TRIM43: variants seen among roughly 807,000 people sequenced by gnomAD.
TRIM43 encodes the protein tripartite motif-containing protein 43.
TRIM43 carries 12 observed loss-of-function variants against 27.7 expected under a neutral mutation model. The observed-to-expected ratio is 0.43, with a 90% CI of 0.28 to 0.70. The LOEUF (loss-of-function observed/expected upper bound fraction) is 0.70. Ranked by LOEUF, TRIM43 falls within the 30% of genes least tolerant of loss-of-function variation. TRIM43 has a pLI of 0.17. For synonymous variants in TRIM43, 64 were observed against 121.9 expected (o/e 0.52, Z 3.13); for missense variants, 186 against 356.5 (o/e 0.52, Z 3.85).
chr2:95,595,207 A>C, intron 3 of TRIM43, 62 bp downstream of exon 3: 1 of 1,166,000 alleles, frequency 8.6e-7, no homozygotes, highest in South Asian at 1.6e-5. Context: ...CAACATTTAT[A>C]TTAGCAACTT....
Position 95,595,146 on chromosome 2 carries a change from G to T in TRIM43, c.507+1G>T. On this transcript the variant is annotated splice_donor_variant, in intron 3 of 6. Transcript: ENST00000272395. LOFTEE classifies it high-confidence loss of function. ...GGGAAGAACAGCCTTCCTCTGGAGG[G>T]TAAGTATGAGACCGTGAGTCCTCCT... 1 of 1,610,040 alleles carries T rather than the reference G, an allele frequency of 6.2e-7. No homozygotes were observed. The highest frequency in any genetic ancestry group is 1.1e-5 in the South Asian group (1 of 90,544).
chr2:95,593,011 C>T lies in TRIM43; in HGVS notation c.-5+862C>T, dbSNP rs181018685. ...TGCCGGGTTCACGCCATTCTCCAGC[C>T]TCCGCCTCCAGAGTAGCTGGGACTA... is the stretch of plus-strand genomic sequence containing the variant. On this transcript the variant is annotated intron_variant, in intron 1 of 6. Coordinates refer to ENST00000272395, the MANE Select transcript of TRIM43 (RefSeq NM_138800.3). Among the ~76,000 whole-genome samples, 638 of 151,708 alleles carry T rather than the reference C, an allele frequency of 4.2e-3. 22 individuals carry two copies. In the East Asian group the frequency reaches 0.095, roughly 23 times the overall value.
intron 3 of TRIM43, among the ~76,000 whole-genome samples, chr2:95,595,990 G>A (rs953152652): frequency 8.6e-5 from 13 of 151,310 alleles, no homozygotes; most frequent in African/African-American, 1.7e-4. Context: ...TTGTATTTCC[G>A]ATTTGATTTA....
At chr2:95,596,494 C>G in intron 4 of TRIM43, 62 bp downstream of exon 4, 1 of 1,488,550 alleles carries the variant, frequency 6.7e-7, no homozygotes. Context: ...TCTTTGCCTT[C>G]CATTGGGTAC....
intron 4 of TRIM43, 87 bp downstream of exon 4, chr2:95,596,519 C>A: frequency 6.8e-7 from 1 of 1,481,418 alleles, no homozygotes; most frequent in Non-Finnish European, 9.0e-7. Context: ...GACATTATTT[C>A]CTCATCTCCT....
In TRIM43 at chr2:95,594,086, C is replaced by T; in HGVS notation, c.63C>T (p.Tyr21=). 1 of 1,613,066 alleles carries T rather than the reference C, an allele frequency of 6.2e-7. No individual in the cohort carries two copies. Among genetic ancestry groups the T allele is most frequent in the South Asian group, 1.1e-5 (1 of 91,018 alleles). Residue 21 remains tyrosine, a synonymous_variant, in exon 2 of 7, where the codon TAC becomes TAT. Transcript: ENST00000272395. ...TCACCTGCGTCATCTGTTTGAACTA[C>T]CTGGTAGACCCTGTCACCATCTGCT... The part of the protein sequence containing the change: ...KELTCVICLN[Y]LVDPVTICCG...
chr2:95,595,552 A>G (rs1685341638), intron 3 of TRIM43, among the ~76,000 whole-genome samples: 1 of 150,828 alleles, frequency 6.6e-6, no homozygotes, highest in South Asian at 2.1e-4. Flanking sequence ...TCTGATAGCA[A>G]AGGACCCACA....
rs1685308141 is a variant in TRIM43 at position 95,594,071 on chromosome 2, C to A, written c.48C>A (p.Val16=). The change falls in exon 2 of 7, where the codon GTC becomes GTA. Residue 16 remains valine, a synonymous_variant. Transcript: ENST00000272395. ...SHAFQKELTC[V]ICLNYLVDPV... is the part of the protein sequence containing the mutation. The stretch of plus-strand genomic sequence containing the variant: ...CCTTCCAGAAGGAACTCACCTGCGT[C>A]ATCTGTTTGAACTACCTGGTAGACC... 1 of 1,613,032 alleles carries A rather than the reference C, an allele frequency of 6.2e-7. No individual in the cohort carries two copies. Among genetic ancestry groups the A allele is most frequent in the African/African-American group, 1.3e-5 (1 of 74,662 alleles).
chr2:95,593,123 T>C (rs1349843347), intron 1 of TRIM43, among the ~76,000 whole-genome samples: 2 of 151,686 alleles, frequency 1.3e-5, no homozygotes, highest in African/African-American at 2.4e-5. Flanking sequence ...GGTCTTGAGC[T>C]CGTGACATCG....
At chr2:95,594,525 T>C in intron 2 of TRIM43, 91 bp downstream of exon 2, 1 of 1,525,984 alleles carries the variant, frequency 6.6e-7, no homozygotes, top group East Asian at 2.3e-5. Flanking sequence ...GATTACTCCA[T>C]TCTTTACTGA....
chr2:95,592,784 A>C (rs1685279563), intron 1 of TRIM43, among the ~76,000 whole-genome samples: 1 of 151,392 alleles, frequency 6.6e-6, no homozygotes, highest in Non-Finnish European at 1.5e-5. Flanking sequence ...GCCTCCCAAA[A>C]TGCTGGGATT....
Position 95,594,421 on chromosome 2 carries a change from C to T in TRIM43, c.398C>T (p.Ala133Val). The T allele has an allele frequency of 6.2e-7, 1 of 1,610,936 alleles. No individual in the cohort carries two copies. The highest frequency in any genetic ancestry group is 8.5e-7 in the Non-Finnish European group (1 of 1,179,520). Residue 133 changes from alanine (A) to valine (V), a missense_variant, in exon 2 of 7, where the codon GCT becomes GTT. Transcript: ENST00000272395. ...AHKHHPIEEA[A>V]EEHREKLLKQ... ...AAACACCATCCCATCGAAGAGGCAG[C>T]TGAGGAACACCGGGTAAGAGATAGC...
chr2:95,592,810 C>T (rs1480246250), intron 1 of TRIM43, among the ~76,000 whole-genome samples: 1 of 151,672 alleles, frequency 6.6e-6, no homozygotes, highest in Non-Finnish European at 1.5e-5. Flanking sequence ...CTTGAGTCAC[C>T]TTCCCTGGCT....
rs369655679 is a variant in TRIM43 at position 95,593,188 on chromosome 2, G to C, written c.-4-832G>C. ...CCCAAAGTGCTCGGATTACAGGCGTGAGCCACCGTGCCCGGCCTCTAGTGC... is the reference window on the plus strand; with the variant it reads ...CCCAAAGTGCTCGGATTACAGGCGTCAGCCACCGTGCCCGGCCTCTAGTGC... On this transcript the variant is annotated intron_variant, in intron 1 of 6. Coordinates refer to ENST00000272395, the MANE Select transcript of TRIM43 (RefSeq NM_138800.3). Among the ~76,000 whole-genome samples, 221 of 151,986 alleles carry C rather than the reference G, an allele frequency of 1.5e-3. 5 individuals carry two copies. The East Asian group carries it at 0.019, about 13-fold the overall frequency.
At chr2:95,593,886 C>T in intron 1 of TRIM43, 134 bp from the exon 2 acceptor site, 1 of 1,494,406 alleles carries the variant, frequency 6.7e-7, no homozygotes, top group Admixed American at 2.4e-5. Flanking sequence ...TTTCCTATTT[C>T]TGTCATTGCA....
At position 95,594,039 on chromosome 2, in the gene TRIM43, T is replaced by A; in HGVS notation, c.16T>A (p.Ser6Thr). The change falls in exon 2 of 7, where the codon TCA becomes ACA. Residue 6 changes from serine (S) to threonine (T), a missense_variant. Ser to Thr is a moderately conservative substitution (Grantham distance 58). Around this residue, in one of 6 missense-constraint regions of TRIM43, gnomAD observed 41 missense variants for 46.1 expected, o/e 0.89. Coordinates refer to ENST00000272395, the MANE Select transcript of TRIM43 (RefSeq NM_138800.3). ...CCTTAGGAAAATGGACTCAGACTTC[T>A]CACATGCCTTCCAGAAGGAACTCAC... is the stretch of plus-strand genomic sequence containing the variant. MDSDF[S>T]HAFQKELTCV... is the part of the protein sequence containing the mutation. 8 of 1,613,034 alleles carry A rather than the reference T, an allele frequency of 5.0e-6. No homozygotes were observed. The highest frequency in any genetic ancestry group is 6.8e-6 in the Non-Finnish European group (8 of 1,179,626).
chr2:95,596,006 T>G (rs1685349964), intron 3 of TRIM43, among the ~76,000 whole-genome samples, 196 bp from the exon 4 acceptor site: 1 of 151,438 alleles, frequency 6.6e-6, no homozygotes. Context: ...ATTTAAACAT[T>G]TAAACCTAAA....
intron 1 of TRIM43, 105 bp from the exon 2 acceptor site, chr2:95,593,915 T>C: frequency 2.6e-6 from 4 of 1,533,972 alleles, no homozygotes; most frequent in Non-Finnish European, 3.5e-6. Context: ...CCTATACTTC[T>C]TTAGAAAGAA....
At position 95,596,422 on chromosome 2, in the gene TRIM43, A is replaced by G. The variant is rs147635009; in HGVS notation, c.728A>G (p.Glu243Gly). 1.2e-6 allele frequency: 2 copies of G among 1,600,932 alleles called. No homozygotes were observed. The highest frequency in any genetic ancestry group is 1.7e-6 in the Non-Finnish European group (2 of 1,171,834). The change falls in exon 4 of 7, where the codon GAG becomes GGG. Residue 243 changes from glutamate (E) to glycine (G), a missense_variant. This residue lies in a region of TRIM43 where 20 missense variants were observed against 30.4 expected (regional missense o/e 0.66). Coordinates refer to ENST00000272395, the MANE Select transcript of TRIM43 (RefSeq NM_138800.3). ...GAAATGTGTCATAAACCAGATGTGG[A>G]GCTGCTCCAGGTAAGAATGGAGGAT... ...LMEMCHKPDV[E>G]LLQDLGDIVA...
Sources: gnomAD v4.1 joint callset for allele counts (sites outside exome capture counted in the v4.1 genomes callset) on GRCh38, gnomAD v4.1.1 for gene constraint, gnomAD v4.1.1 regional missense constraint, MANE v1.5 for transcripts, NCBI Gene and HGNC (gene_info 2026-07-23, HGNC 2026-07-21) for gene names.